LRRC37A2: variants seen among roughly 807,000 people sequenced by gnomAD.
The protein encoded by LRRC37A2 is leucine-rich repeat-containing protein 37A2.
LRRC37A2 carries 9 observed loss-of-function variants against 68.8 expected under a neutral mutation model. That is an observed-to-expected ratio of 0.13 (90% CI 0.08 to 0.23). The LOEUF (loss-of-function observed/expected upper bound fraction) is 0.23. Among genes scored for constraint, LRRC37A2 ranks in the 10% least tolerant of loss-of-function variants. The pLI is 1.00. For synonymous variants in LRRC37A2, 63 were observed against 367.6 expected, an observed-to-expected ratio of 0.17 and a Z score of 9.48; for missense variants, 168 against 950.4, an observed-to-expected ratio of 0.18 and a Z score of 10.82.
At chr17:47,000,077 A>ATT in the LRRC37A2 span, among the ~76,000 whole-genome samples, 3 of 5,118 alleles carry the variant, frequency 5.9e-4, no homozygotes, top group African/African-American at 9.9e-4. Context: ...AATAAAATAA[A>ATT]AAATAAAATA....
chr17:46,908,182 C>A, the LRRC37A2 span, among the ~76,000 whole-genome samples: 7 of 151,788 alleles, frequency 4.6e-5, no homozygotes, highest in Admixed American at 3.3e-4. Context: ...GTCCCCCCTC[C>A]TCCCCCACCG....
At chr17:46,525,529 G>A (rs1280441605) in intron 6 of LRRC37A2, among the ~76,000 whole-genome samples, 1 of 111,694 alleles carries the variant, frequency 9.0e-6, no homozygotes, top group Non-Finnish European at 2.0e-5. Flanking sequence ...GGAGGTTGCA[G>A]TGAGCCGAGA....
chr17:46,840,518 C>T, the LRRC37A2 span, among the ~76,000 whole-genome samples: 3 of 152,236 alleles, frequency 2.0e-5, no homozygotes, highest in Admixed American at 6.5e-5. Flanking sequence ...CCTTTGTGTA[C>T]ATACCCAGTA....
chr17:46,840,185 C>A, the LRRC37A2 span, among the ~76,000 whole-genome samples: 2 of 151,744 alleles, frequency 1.3e-5, no homozygotes, highest in Admixed American at 6.6e-5. Flanking sequence ...CTCCTGGATT[C>A]ATGCCATTCT....
chr17:46,839,982 T>TC, the LRRC37A2 span, among the ~76,000 whole-genome samples: 142 of 140,358 alleles, frequency 1.0e-3, no homozygotes, highest in Non-Finnish European at 1.8e-3. Context: ...CTTTCTCTTC[T>TC]TTCTTTCTTT....
chr17:47,023,827 G>A, the LRRC37A2 span, among the ~76,000 whole-genome samples: 2 of 152,206 alleles, frequency 1.3e-5, no homozygotes, highest in East Asian at 1.9e-4. Flanking sequence ...ACTCATGACC[G>A]TGGGTGATTC....
chr17:46,815,063 C>T, the LRRC37A2 span, among the ~76,000 whole-genome samples: 3 of 152,248 alleles, frequency 2.0e-5, no homozygotes, highest in East Asian at 1.9e-4. Context: ...AGTCACACAG[C>T]GGCAGGGTGA....
the LRRC37A2 span, among the ~76,000 whole-genome samples, chr17:46,942,927 C>G: frequency 6.6e-6 from 1 of 152,218 alleles, no homozygotes; most frequent in African/African-American, 2.4e-5. Flanking sequence ...GCCATCCCTC[C>G]CCGCCTCATC....
the LRRC37A2 span, among the ~76,000 whole-genome samples, chr17:46,824,230 G>T: frequency 6.6e-6 from 1 of 152,166 alleles, no homozygotes; most frequent in Non-Finnish European, 1.5e-5. Flanking sequence ...TGACACTGAT[G>T]TGATTAATAT....
At chr17:47,048,047 CTT>C in the LRRC37A2 span, among the ~76,000 whole-genome samples, 9 of 136,416 alleles carry the variant, frequency 6.6e-5, no homozygotes, top group Non-Finnish European at 1.3e-4. Context: ...TTTTTCAAAA[CTT>C]TTTTTTTTTT....
the LRRC37A2 span, among the ~76,000 whole-genome samples, chr17:46,708,729 A>G: frequency 1.3e-5 from 2 of 148,300 alleles, no homozygotes; most frequent in Non-Finnish European, 3.0e-5. Flanking sequence ...CCTGACCTCA[A>G]GCGATCCACC....
chr17:46,834,445 C>T, the LRRC37A2 span, among the ~76,000 whole-genome samples: 1 of 152,110 alleles, frequency 6.6e-6, no homozygotes, highest in African/African-American at 2.4e-5. Context: ...CACTAGGGCA[C>T]CTGGCAAGTT....
chr17:46,489,606 C>T, the LRRC37A2 span, among the ~76,000 whole-genome samples: 1 of 148,622 alleles, frequency 6.7e-6, no homozygotes, highest in Non-Finnish European at 1.5e-5. Context: ...CTGCCTCAGC[C>T]TTTCAGGTAG....
the LRRC37A2 span, among the ~76,000 whole-genome samples, chr17:46,733,442 G>C: frequency 5.9e-5 from 9 of 152,208 alleles, no homozygotes; most frequent in Non-Finnish European, 1.2e-4. Flanking sequence ...ACAAGTGTGA[G>C]AGTAGTTAAG....
the LRRC37A2 span, among the ~76,000 whole-genome samples, chr17:46,994,473 TC>T: frequency 6.2e-4 from 94 of 152,164 alleles, no homozygotes; most frequent in East Asian, 0.016. Flanking sequence ...GGGGGAGGCT[TC>T]TGAAGTTCTG....
the LRRC37A2 span, among the ~76,000 whole-genome samples, chr17:46,991,757 G>A: frequency 5.3e-5 from 8 of 152,356 alleles, no homozygotes; most frequent in East Asian, 3.9e-4. Context: ...TCAGTGAACC[G>A]TGGCTCACAG....
At chr17:46,841,385 A>T in the LRRC37A2 span, among the ~76,000 whole-genome samples, 4 of 152,196 alleles carry the variant, frequency 2.6e-5, no homozygotes, top group Admixed American at 2.6e-4. Context: ...GGTGGGAAGA[A>T]GGAAAGTCAT....
At chr17:46,542,618 C>T (rs921829081) in intron 8 of LRRC37A2, among the ~76,000 whole-genome samples, 3 of 150,038 alleles carry the variant, frequency 2.0e-5, no homozygotes, top group African/African-American at 7.6e-5. Flanking sequence ...TCACTTGAAC[C>T]CAGGAGGTGG....
chr17:46,598,929 T>C, the LRRC37A2 span, among the ~76,000 whole-genome samples: 2 of 141,592 alleles, frequency 1.4e-5, no homozygotes, highest in African/African-American at 2.7e-5. Context: ...GCAGTAGTTA[T>C]TAGTTTTGTG....
Sources: gnomAD v4.1 joint callset for allele counts (sites outside exome capture counted in the v4.1 genomes callset) on GRCh38, gnomAD v4.1.1 for gene constraint, MANE v1.5 for transcripts, NCBI Gene and HGNC (gene_info 2026-07-23, HGNC 2026-07-21) for gene names.